TENM4: variants seen among roughly 807,000 people sequenced by gnomAD.
The protein encoded by TENM4 is teneurin transmembrane protein 4.
In TENM4, 82 loss-of-function variants were observed where a neutral mutation model predicts 243.3. That is an observed-to-expected ratio of 0.34 (90% CI 0.28 to 0.40). TENM4 has a LOEUF of 0.40. Ranked by LOEUF, TENM4 falls within the 10% of genes least tolerant of loss-of-function variation. The probability of loss-of-function intolerance (pLI) is 1.00; values close to 1 mark genes in which losing one functional copy is unlikely to be tolerated. For synonymous variants in TENM4, 1,412 were observed against 1,456.3 expected (o/e 0.97, Z 0.69); for missense variants, 3,138 against 3,673.3 (o/e 0.85, Z 3.77).
At chr11:79,173,441 G>A (rs1188488144) in intron 3 of TENM4, among the ~76,000 whole-genome samples, 2 of 152,088 alleles carry the variant, frequency 1.3e-5, no homozygotes, top group African/African-American at 4.8e-5. Context: ...TCCTCCAGGA[G>A]CTGGCTTATC....
chr11:78,670,717 C>G (rs1327513860), intron 31 of TENM4, among the ~76,000 whole-genome samples, 166 bp from the exon 32 acceptor site: 2 of 152,180 alleles, frequency 1.3e-5, no homozygotes, highest in Non-Finnish European at 2.9e-5. Context: ...AGGAGTGTCA[C>G]GGGATACTGC....
At chr11:78,999,040 C>A (rs1858247595) in intron 6 of TENM4, among the ~76,000 whole-genome samples, 1 of 152,184 alleles carries the variant, frequency 6.6e-6, no homozygotes, top group African/African-American at 2.4e-5. Context: ...GAACATCTGG[C>A]TCAAACACAT....
At chr11:79,130,210 C>T (rs1305757064) in intron 4 of TENM4, among the ~76,000 whole-genome samples, 1 of 152,102 alleles carries the variant, frequency 6.6e-6, no homozygotes, top group East Asian at 1.9e-4. Flanking sequence ...CAAGGGAACA[C>T]CCTGTGGGAC....
intron 6 of TENM4, among the ~76,000 whole-genome samples, chr11:78,993,562 T>C (rs1858096300): frequency 6.6e-6 from 1 of 152,196 alleles, no homozygotes; most frequent in Admixed American, 6.5e-5. Context: ...GCCTTTATTC[T>C]TCTCTCTTTC....
intron 4 of TENM4, among the ~76,000 whole-genome samples, chr11:79,133,469 C>T (rs766725800): frequency 2.6e-5 from 4 of 151,950 alleles, no homozygotes; most frequent in Non-Finnish European, 4.4e-5. Flanking sequence ...TCCACAAGAT[C>T]GAGAAAGAAG....
At chr11:78,749,881 T>TA (rs1400314015) in intron 19 of TENM4, among the ~76,000 whole-genome samples, 1 of 152,160 alleles carries the variant, frequency 6.6e-6, no homozygotes, top group Non-Finnish European at 1.5e-5. Context: ...TTCCTGCCCC[T>TA]AACCCACTTT....
intron 15 of TENM4, among the ~76,000 whole-genome samples, chr11:78,792,445 C>T (rs1857076391): frequency 6.6e-6 from 1 of 152,150 alleles, no homozygotes; most frequent in African/African-American, 2.4e-5. Flanking sequence ...CTTGATTGAA[C>T]TGTACAGGCC....
chr11:79,249,094 CA>C (rs1215719221), intron 2 of TENM4, among the ~76,000 whole-genome samples: 3 of 152,160 alleles, frequency 2.0e-5, no homozygotes, highest in Non-Finnish European at 2.9e-5. Context: ...CATGCAGTAA[CA>C]ATTACTAATA....
At chr11:79,243,826 G>A (rs1327413816) in intron 2 of TENM4, among the ~76,000 whole-genome samples, 1 of 152,252 alleles carries the variant, frequency 6.6e-6, no homozygotes, top group African/African-American at 2.4e-5. Context: ...CGGCAACTGA[G>A]AGGCAGAGCA....
Position 79,440,510 on chromosome 11 carries a change from G to A in TENM4, c.-322C>T, listed in dbSNP as rs952893257. 6.6e-6 allele frequency: 1 copy of A among 152,184 alleles called. No homozygotes were observed. Among genetic ancestry groups the A allele is most frequent in the African/African-American group, 2.4e-5 (1 of 41,440 alleles). The allele number at this position is 152,184 out of a possible 1,614,324, so 9.4% of individuals were successfully genotyped here. A position where few individuals can be genotyped will look rare whatever the true frequency, so the allele number is the denominator to read the frequency against. On this transcript the variant is annotated splice_region_variant and 5_prime_UTR_variant, in exon 1 of 34. In the 5' UTR this introduces an upstream ATG that the reference lacks. Coordinates refer to ENST00000278550, the MANE Select transcript of TENM4 (RefSeq NM_001098816.3). This position sits in a 1 kb window ranked among gnomAD's most constrained non-coding sequence, Gnocchi z 4.7. The stretch of plus-strand genomic sequence containing the variant: ...GTAGAGCGGATCACGCCGCCTTACC[G>A]TGGCTGCAGGCTGCTACCGCCGGGG...
intron 3 of TENM4, among the ~76,000 whole-genome samples, chr11:79,167,999 A>C (rs1189827970): frequency 6.6e-6 from 1 of 152,238 alleles, no homozygotes; most frequent in African/African-American, 2.4e-5. Flanking sequence ...CACCCTAGAC[A>C]GTGCCAAGGA....
At chr11:79,006,501 A>G (rs939758523) in intron 6 of TENM4, among the ~76,000 whole-genome samples, 4 of 152,178 alleles carry the variant, frequency 2.6e-5, no homozygotes, top group African/African-American at 9.7e-5. Context: ...AGGCATTTTA[A>G]TATCTGATTC....
chr11:79,211,173 A>G (rs1037818422), intron 3 of TENM4, among the ~76,000 whole-genome samples: 1 of 152,194 alleles, frequency 6.6e-6, no homozygotes, highest in East Asian at 1.9e-4. Flanking sequence ...TTAAAGCACC[A>G]AGAAGATTCT....
chr11:78,826,063 C>A (rs1161983448), intron 12 of TENM4, among the ~76,000 whole-genome samples: 1 of 149,750 alleles, frequency 6.7e-6, no homozygotes, highest in Non-Finnish European at 1.5e-5. Flanking sequence ...AAATAGAAAA[C>A]CAAATCCCCC....
intron 3 of TENM4, among the ~76,000 whole-genome samples, chr11:79,153,094 A>G (rs778222903): frequency 6.6e-6 from 1 of 152,178 alleles, no homozygotes; most frequent in Non-Finnish European, 1.5e-5. Context: ...ACCAAGATAG[A>G]CACTTGTCAC....
chr11:78,994,327 G>GGCATTTAA (rs144228649), intron 6 of TENM4, among the ~76,000 whole-genome samples: 2,475 of 152,260 alleles, frequency 0.016, 64 homozygotes, highest in African/African-American at 0.055. Flanking sequence ...TGTGAAGCTT[G>GGCATTTAA]GCATTTAATC....
chr11:78,978,577 C>T lies in TENM4; in HGVS notation c.494-75054G>A, dbSNP rs182988999. On this transcript the variant is annotated intron_variant, in intron 6 of 33. Coordinates refer to ENST00000278550, the MANE Select transcript of TENM4 (RefSeq NM_001098816.3). ...TCTCTACCCATCCTTTTTTTTCCTGCAACCACACCAAACGGACTAATGGCA... is the reference window on the plus strand; with the variant it reads ...TCTCTACCCATCCTTTTTTTTCCTGTAACCACACCAAACGGACTAATGGCA... Among the ~76,000 whole-genome samples the T allele has an allele frequency of 4.5e-3, 685 of 151,992 alleles. 5 individuals are homozygous for T. The highest frequency in any genetic ancestry group is 0.016 in the African/African-American group (654 of 41,458).
chr11:79,242,761 T>C (rs1320519030), intron 2 of TENM4, among the ~76,000 whole-genome samples: 1 of 152,216 alleles, frequency 6.6e-6, no homozygotes, highest in Admixed American at 6.5e-5. Flanking sequence ...CCCGTGTGGA[T>C]TCATTTTTGT....
chr11:78,698,510 A>C (rs1012351587), intron 28 of TENM4, among the ~76,000 whole-genome samples: 1 of 152,172 alleles, frequency 6.6e-6, no homozygotes, highest in Non-Finnish European at 1.5e-5. Flanking sequence ...TTTTAGAAAA[A>C]TAGAACATTT....
Sources: allele counts gnomAD v4.1 joint callset (sites outside exome capture counted in the v4.1 genomes callset), GRCh38; gene constraint gnomAD v4.1.1; non-coding constraint Gnocchi (gnomAD v3.1); transcripts MANE v1.5; gene names NCBI Gene and HGNC (gene_info 2026-07-23, HGNC 2026-07-21).